The following NRG1 variants were observed in gnomAD, a reference collection of about 807,000 sequenced individuals.
NRG1 encodes the protein neuregulin 1, also known as pro-neuregulin-1, membrane-bound isoform.
In NRG1, 18 loss-of-function variants were observed where a neutral mutation model predicts 63.8. The ratio of observed to expected loss-of-function variants is 0.28; its 90% CI spans 0.19 to 0.42. The LOEUF (loss-of-function observed/expected upper bound fraction) is 0.42. NRG1 is among the 10% of genes least tolerant of loss of function. The pLI is 1.00. For synonymous variants in NRG1, 302 were observed against 301.3 expected (o/e 1.00, Z -0.02); for missense variants, 762 against 814.7 (o/e 0.94, Z 0.79).
chr8:32,160,443 C>A (rs1487816451), intron 1 of NRG1, among the ~76,000 whole-genome samples: 2 of 152,184 alleles, frequency 1.3e-5, no homozygotes, highest in Non-Finnish European at 2.9e-5. Flanking sequence ...AGGAAACTGA[C>A]AGTCAGTGAT....
At chr8:32,268,017 A>T (rs1295641092) in intron 1 of NRG1, among the ~76,000 whole-genome samples, 1 of 152,146 alleles carries the variant, frequency 6.6e-6, no homozygotes, top group Admixed American at 6.5e-5. Flanking sequence ...ATGTGATTCC[A>T]TGGTTATCTT....
chr8:32,222,604 GC>G (rs1845936042), intron 1 of NRG1, among the ~76,000 whole-genome samples: 1 of 152,158 alleles, frequency 6.6e-6, no homozygotes, highest in African/African-American at 2.4e-5. Context: ...CATTCAGTCA[GC>G]CCACAGCTTT....
intron 1 of NRG1, among the ~76,000 whole-genome samples, chr8:32,339,055 A>G (rs1714028310): frequency 6.6e-6 from 1 of 152,122 alleles, no homozygotes; most frequent in Non-Finnish European, 1.5e-5. Context: ...ACTGGCATAG[A>G]GAGGTGGCCC....
intron 1 of NRG1, among the ~76,000 whole-genome samples, chr8:32,036,511 C>A (rs1416001469): frequency 6.6e-6 from 1 of 152,066 alleles, no homozygotes; most frequent in Non-Finnish European, 1.5e-5. Flanking sequence ...CTGGGTGATA[C>A]CCTAAAGTAT....
chr8:32,638,112 A>G (rs1320673593), intron 5 of NRG1, among the ~76,000 whole-genome samples: 1 of 152,200 alleles, frequency 6.6e-6, no homozygotes, highest in African/African-American at 2.4e-5. Flanking sequence ...AATAGATGTG[A>G]TTCCCAGTCC....
intron 1 of NRG1, among the ~76,000 whole-genome samples, chr8:32,416,254 A>G (rs548283299): frequency 6.6e-6 from 1 of 152,270 alleles, no homozygotes; most frequent in African/African-American, 2.4e-5. Flanking sequence ...AGACCCTGGC[A>G]AAGTTGGTAA....
At chr8:31,797,924 T>C (rs1163589174) in intron 1 of NRG1, among the ~76,000 whole-genome samples, 1 of 152,166 alleles carries the variant, frequency 6.6e-6, no homozygotes, top group Non-Finnish European at 1.5e-5. Context: ...GTGAAATAAG[T>C]AGGGCATAGA....
chr8:32,123,295 G>A (rs766038878), intron 1 of NRG1, among the ~76,000 whole-genome samples: 3 of 151,890 alleles, frequency 2.0e-5, no homozygotes. Context: ...TGAATCATGG[G>A]AGCAGGTCTT....
At chr8:32,251,039 TA>T (rs1849042675) in intron 1 of NRG1, among the ~76,000 whole-genome samples, 1 of 152,000 alleles carries the variant, frequency 6.6e-6, no homozygotes, top group South Asian at 2.1e-4. Context: ...CATTCTAGTA[TA>T]AAAATTGCCA....
chr8:32,108,198 G>A (rs1461903157), intron 1 of NRG1, among the ~76,000 whole-genome samples: 1 of 152,208 alleles, frequency 6.6e-6, no homozygotes, highest in South Asian at 2.1e-4. Flanking sequence ...ATGATTAAGG[G>A]CAATTAACAT....
rs187325941 is a variant in NRG1, at chr8:31,909,775, A to G, written c.37+270344A>G. Among the ~76,000 whole-genome samples the G allele has an allele frequency of 3.9e-4, 60 of 152,284 alleles. 1 individual carries two copies. Among genetic ancestry groups the G allele is most frequent in the African/African-American group, 1.3e-3 (54 of 41,566 alleles). The stretch of plus-strand genomic sequence containing the variant: ...CTTTTCAAAAGAATGTTTCCTATCA[A>G]GCGGTGCGTTGTACATGTGGGAGAA... On this transcript the variant is annotated intron_variant, in intron 1 of 10. Transcript: ENST00000519301.
intron 5 of NRG1, among the ~76,000 whole-genome samples, chr8:32,699,548 G>A (rs879721313): frequency 4.6e-5 from 7 of 152,184 alleles, no homozygotes; most frequent in Non-Finnish European, 1.0e-4. Flanking sequence ...TTAGTCAAAT[G>A]CAGATGTAAT....
At chr8:32,194,385 A>G (rs529608819) in intron 1 of NRG1, among the ~76,000 whole-genome samples, 2 of 152,326 alleles carry the variant, frequency 1.3e-5, no homozygotes, top group East Asian at 1.9e-4. Context: ...CTCAGAGTTT[A>G]AACATTTTCA....
intron 1 of NRG1, among the ~76,000 whole-genome samples, chr8:31,908,419 G>C (rs947301555): frequency 3.9e-5 from 6 of 152,196 alleles, no homozygotes; most frequent in African/African-American, 1.4e-4. Context: ...TTTGTATGGA[G>C]AGGTAACACT....
At chr8:31,977,888 C>A (rs1808456116) in intron 1 of NRG1, among the ~76,000 whole-genome samples, 1 of 151,884 alleles carries the variant, frequency 6.6e-6, no homozygotes, top group Non-Finnish European at 1.5e-5. Flanking sequence ...GGAAGGGTAA[C>A]AAATGTTTGA....
intron 1 of NRG1, among the ~76,000 whole-genome samples, chr8:32,412,683 G>T (rs1235946409): frequency 2.0e-5 from 3 of 151,542 alleles, no homozygotes; most frequent in East Asian, 1.9e-4. Context: ...ATAGCTTGTT[G>T]CTCCCAGACT....
intron 1 of NRG1, among the ~76,000 whole-genome samples, chr8:31,712,255 CT>C (rs57363109): frequency 1.5e-4 from 11 of 72,346 alleles, no homozygotes; most frequent in African/African-American, 5.8e-4. Context: ...TCTTCATGAT[CT>C]TTTTTTTTTT....
intron 1 of NRG1, among the ~76,000 whole-genome samples, chr8:31,678,563 A>G (rs1807972321): frequency 6.6e-6 from 1 of 151,780 alleles, no homozygotes; most frequent in Non-Finnish European, 1.5e-5. Flanking sequence ...TTTTCCATAT[A>G]TATTTTTTTG....
intron 1 of NRG1, among the ~76,000 whole-genome samples, chr8:31,958,759 G>C (rs1417631086): frequency 1.9e-4 from 29 of 152,126 alleles, no homozygotes; most frequent in Admixed American, 1.9e-3. Context: ...AAAATTTTAA[G>C]TTTTTCCTAT....
Sources: allele counts gnomAD v4.1 joint callset (sites outside exome capture counted in the v4.1 genomes callset), GRCh38; gene constraint gnomAD v4.1.1; transcripts MANE v1.5; gene names NCBI Gene and HGNC (gene_info 2026-07-23, HGNC 2026-07-21).